Variants in USP34 observed in about 807,000 individuals in gnomAD.
USP34 encodes the protein ubiquitin specific peptidase 34, also known as ubiquitin carboxyl-terminal hydrolase 34.
USP34 carries 70 observed loss-of-function variants against 460.3 expected under a neutral mutation model. The observed-to-expected ratio is 0.15, with a 90% CI of 0.13 to 0.19. The LOEUF is 0.19. USP34 is among the 10% of genes least tolerant of loss of function. The probability of loss-of-function intolerance (pLI) is 1.00; values close to 1 mark genes in which losing one functional copy is unlikely to be tolerated. For missense variants in USP34, 3,985 were observed against 4,236.2 expected, an observed-to-expected ratio of 0.94 and a Z score of 1.65; for synonymous variants, 1,647 against 1,405.3, an observed-to-expected ratio of 1.17 and a Z score of -3.85.
At chr2:61,399,676 C>T (rs1242805751) in intron 3 of USP34, among the ~76,000 whole-genome samples, 1 of 151,682 alleles carries the variant, frequency 6.6e-6, no homozygotes, top group Non-Finnish European at 1.5e-5. Flanking sequence ...TTGGAGATCA[C>T]CCTGTCCAAC....
Position 61,259,680 on chromosome 2 carries a change from C to T in USP34, c.5844+31G>A, listed in dbSNP as rs746302844. ...TAATTACAGGCATGAGCCACAGTGCCTGGCCTAGCCTCCATGATTCTTAAA... is the reference window on the plus strand; with the variant it reads ...TAATTACAGGCATGAGCCACAGTGCTTGGCCTAGCCTCCATGATTCTTAAA... On this transcript the variant is annotated intron_variant, in intron 44 of 79. Transcript: ENST00000398571. The T allele has an allele frequency of 6.2e-6, 10 of 1,604,092 alleles. No homozygotes were observed. In the African/African-American group the frequency reaches 1.2e-4, roughly 19 times the overall value.
chr2:61,277,237 CTT>C (rs11351343), intron 41 of USP34, among the ~76,000 whole-genome samples: 154 of 138,046 alleles, frequency 1.1e-3, no homozygotes, highest in Middle Eastern at 3.7e-3. Context: ...TATAGGTTAC[CTT>C]TTTTTTTTTT....
chr2:61,342,869 TGAGAA>T (rs2103763104), intron 16 of USP34, among the ~76,000 whole-genome samples: 1 of 152,332 alleles, frequency 6.6e-6, no homozygotes, highest in South Asian at 2.1e-4. Flanking sequence ...AAGGAAAATT[TGAGAA>T]AAGAATGGTA....
chr2:61,426,789 GCA>G (rs1694524585), intron 1 of USP34, among the ~76,000 whole-genome samples: 1 of 152,116 alleles, frequency 6.6e-6, no homozygotes, highest in South Asian at 2.1e-4. Flanking sequence ...GACTGACCCA[GCA>G]CAGTCATGGT....
intron 29 of USP34, among the ~76,000 whole-genome samples, chr2:61,300,672 G>A (rs1025395380): frequency 1.3e-5 from 2 of 151,020 alleles, no homozygotes; most frequent in African/African-American, 2.4e-5. Flanking sequence ...TGCACACGCC[G>A]GTAATCCCAG....
At position 61,466,781 on chromosome 2, in the gene USP34, G is replaced by C. The variant is rs116577265; in HGVS notation, c.43+3869C>G. 1.8e-3 allele frequency among the ~76,000 whole-genome samples: 271 copies of C among 151,968 alleles called. 3 individuals are homozygous for C. The highest frequency in any genetic ancestry group is 2.7e-3 in the Non-Finnish European group (183 of 67,974). On this transcript the variant is annotated intron_variant, in intron 1 of 79. Coordinates refer to ENST00000398571, the MANE Select transcript of USP34 (RefSeq NM_014709.4). ...ACAAAAATTAGCCAGGCAAGGAGGC[G>C]GGTGCCTGTAGTCTCAGTTACTCAG...
At chr2:61,390,661 T>A (rs776056245) in intron 5 of USP34, among the ~76,000 whole-genome samples, 2 of 152,180 alleles carry the variant, frequency 1.3e-5, no homozygotes, top group Non-Finnish European at 2.9e-5. Context: ...TTGAAACAAA[T>A]GTATGGGCTT....
At chr2:61,311,989 A>C in intron 25 of USP34, 79 bp from the exon 26 acceptor site, 2 of 1,526,916 alleles carry the variant, frequency 1.3e-6, no homozygotes, top group South Asian at 2.5e-5. Context: ...TTATCATCTT[A>C]CAGACTGGAA....
chr2:61,221,607 C>A lies in USP34; in HGVS notation c.7795-1G>T, dbSNP rs755379831. Reference sequence around the variant, plus strand: ...ACAACTTAAAGAAAGGATTGGCTGCCTGTAAAACACATACATGACTGTGTA... The same window carrying A: ...ACAACTTAAAGAAAGGATTGGCTGCATGTAAAACACATACATGACTGTGTA... On this transcript the variant is annotated splice_acceptor_variant, in intron 65 of 79. Coordinates refer to ENST00000398571, the MANE Select transcript of USP34 (RefSeq NM_014709.4). LOFTEE classifies it high-confidence loss of function. 6.2e-7 allele frequency: 1 copy of A among 1,613,590 alleles called. No homozygotes were observed. The highest frequency in any genetic ancestry group is 8.5e-7 in the Non-Finnish European group (1 of 1,179,740).
intron 8 of USP34, among the ~76,000 whole-genome samples, chr2:61,374,221 G>T (rs906631920): frequency 6.6e-6 from 1 of 151,214 alleles, no homozygotes; most frequent in Non-Finnish European, 1.5e-5. Context: ...CCTTGCCTGA[G>T]GCCAACCCTT....
intron 5 of USP34, among the ~76,000 whole-genome samples, chr2:61,387,709 A>G (rs1693200717): frequency 1.4e-5 from 2 of 147,912 alleles, no homozygotes. Context: ...ACATGTAAAA[A>G]TATATTTTTA....
chr2:61,411,364 G>A (rs1323524902), intron 2 of USP34, among the ~76,000 whole-genome samples: 7 of 140,748 alleles, frequency 5.0e-5, no homozygotes, highest in African/African-American at 1.6e-4. Flanking sequence ...CCAGGTGACA[G>A]ATCAAGATCC....
intron 25 of USP34, among the ~76,000 whole-genome samples, chr2:61,312,592 A>G (rs371174350): frequency 2.0e-5 from 3 of 152,178 alleles, no homozygotes; most frequent in African/African-American, 7.2e-5. Context: ...GAACTTGTCT[A>G]ATTTCCACAT....
At chr2:61,293,345 C>T (rs1321515186) in intron 33 of USP34, 119 bp downstream of exon 33, 1 of 599,762 alleles carries the variant, frequency 1.7e-6, no homozygotes, top group Non-Finnish European at 2.8e-6. Flanking sequence ...TTCATTTCTG[C>T]TATATTCCAT....
intron 5 of USP34, among the ~76,000 whole-genome samples, chr2:61,386,922 A>G (rs948813977): frequency 2.0e-5 from 3 of 152,148 alleles, no homozygotes; most frequent in South Asian, 2.1e-4. Context: ...TTGATGAATA[A>G]TATTTCTTCA....
At chr2:61,298,370 A>AC (rs1690101146) in intron 29 of USP34, among the ~76,000 whole-genome samples, 3 of 141,224 alleles carry the variant, frequency 2.1e-5, no homozygotes, top group African/African-American at 5.4e-5. Context: ...AATACAAAAA[A>AC]AAAAAAAAAA....
chr2:61,262,870 G>C (rs1688933324), intron 43 of USP34, among the ~76,000 whole-genome samples: 1 of 152,098 alleles, frequency 6.6e-6, no homozygotes, highest in South Asian at 2.1e-4. Flanking sequence ...TTTATTAACA[G>C]CTATTCTGAC....
At chr2:61,335,163 GT>G (rs1691379462) in intron 18 of USP34, among the ~76,000 whole-genome samples, 1 of 152,068 alleles carries the variant, frequency 6.6e-6, no homozygotes, top group Non-Finnish European at 1.5e-5. Flanking sequence ...AATAATTTAT[GT>G]TTCAATGAAA....
chr2:61,347,509 G>T (rs537957361), intron 15 of USP34, among the ~76,000 whole-genome samples: 15 of 152,258 alleles, frequency 9.9e-5, no homozygotes, highest in African/African-American at 3.6e-4. Flanking sequence ...AAGTAGCTGG[G>T]ATTACAGGCG....
Sources: gnomAD v4.1 joint callset for allele counts (sites outside exome capture counted in the v4.1 genomes callset) on GRCh38, gnomAD v4.1.1 for gene constraint, MANE v1.5 for transcripts, NCBI Gene and HGNC (gene_info 2026-07-23, HGNC 2026-07-21) for gene names.